PSMA1: variants seen among roughly 807,000 people sequenced by gnomAD.
PSMA1 encodes the protein proteasome 20S subunit alpha 1.
In PSMA1, 3 loss-of-function variants were observed where a neutral mutation model predicts 38.4. The ratio of observed to expected loss-of-function variants is 0.08; its 90% confidence interval spans 0.04 to 0.20. PSMA1 has a LOEUF of 0.20. PSMA1 is among the 10% of genes least tolerant of loss of function. The pLI, the probability that PSMA1 is intolerant of heterozygous loss-of-function variation, is 1.00. For synonymous variants in PSMA1, 101 were observed against 107.1 expected, an observed-to-expected ratio of 0.94 and a Z score of 0.35; for missense variants, 227 against 325.3, an observed-to-expected ratio of 0.70 and a Z score of 2.32.
In PSMA1 at chr11:14,556,461, T is replaced by G. The variant is rs1480282428; in HGVS notation, c.22-37420A>C. The stretch of plus-strand genomic sequence containing the variant: ...GTTTTGGAATCTTCTTTTTTTAATG[T>G]TTCATGATGATACACCTTAGAATAG... On this transcript the variant is annotated intron_variant, in intron 2 of 10. Coordinates refer to the PSMA1 transcript ENST00000418988. Among the ~76,000 whole-genome samples the G allele has an allele frequency of 4.6e-5, 7 of 152,280 alleles. No individual in the cohort carries two copies. In the East Asian group the frequency reaches 1.3e-3, roughly 29 times the overall value.
At chr11:14,603,673 G>C (rs1852610755) in intron 2 of PSMA1, among the ~76,000 whole-genome samples, 1 of 152,166 alleles carries the variant, frequency 6.6e-6, no homozygotes, top group Non-Finnish European at 1.5e-5. Context: ...GAAATTATTA[G>C]GCTTACTAAA....
chr11:14,590,897 C>T (rs1852406090), intron 2 of PSMA1, among the ~76,000 whole-genome samples: 1 of 152,254 alleles, frequency 6.6e-6, no homozygotes, highest in Non-Finnish European at 1.5e-5. Flanking sequence ...TGAGAGGTGA[C>T]AGTGTGCTGG....
intron 1 of PSMA1, among the ~76,000 whole-genome samples, chr11:14,617,457 C>T (rs1284612710): frequency 6.6e-6 from 1 of 152,052 alleles, no homozygotes; most frequent in Non-Finnish European, 1.5e-5. Flanking sequence ...CTCTGTTTCT[C>T]CAGTGACTGG....
chr11:14,641,503 T>C (rs1853200739), intron 1 of PSMA1, among the ~76,000 whole-genome samples: 1 of 152,208 alleles, frequency 6.6e-6, no homozygotes, highest in Non-Finnish European at 1.5e-5. Flanking sequence ...TCTGATGGTC[T>C]TTGGTCACGT....
intron 1 of PSMA1, among the ~76,000 whole-genome samples, chr11:14,618,670 T>C (rs1852805308): frequency 6.6e-6 from 1 of 152,230 alleles, no homozygotes; most frequent in Non-Finnish European, 1.5e-5. Flanking sequence ...TATAGACAAA[T>C]GACAACTTGT....
At chr11:14,624,201 G>C (rs1466060131) in intron 1 of PSMA1, among the ~76,000 whole-genome samples, 1 of 152,202 alleles carries the variant, frequency 6.6e-6, no homozygotes, top group East Asian at 1.9e-4. Flanking sequence ...CGTCAGCTCA[G>C]AAGCAACACT....
chr11:14,631,407 C>A (rs2133719557), intron 1 of PSMA1, among the ~76,000 whole-genome samples: 1 of 151,988 alleles, frequency 6.6e-6, no homozygotes, highest in South Asian at 2.1e-4. Flanking sequence ...TTATTTCTGC[C>A]TTCATTTTGT....
chr11:14,599,766 C>T lies in PSMA1; in HGVS notation c.21+11200G>A, dbSNP rs778835188. On this transcript the variant is annotated intron_variant, in intron 2 of 10. Transcript: ENST00000418988. ...TCCACTCATCAAAGTCATTCTCTGC[C>T]CAGCTTTGTTCCGTTGCTGGCTAGG... 5.5e-4 allele frequency among the ~76,000 whole-genome samples: 84 copies of T among 152,298 alleles called. 1 individual carries two copies. Among genetic ancestry groups the T allele is most frequent in the Non-Finnish European group, 1.1e-3 (72 of 68,024 alleles).
At chr11:14,521,505 GC>G (rs1851529735), upstream of PSMA1, among the ~76,000 whole-genome samples, 1 of 130,298 alleles carries the variant, frequency 7.7e-6, no homozygotes, top group Admixed American at 7.9e-5. Flanking sequence ...AAAAAAAAAA[GC>G]CGGGCGCGGT....
At chr11:14,570,721 C>T (rs1852128903) in intron 2 of PSMA1, among the ~76,000 whole-genome samples, 1 of 152,220 alleles carries the variant, frequency 6.6e-6, no homozygotes, top group East Asian at 1.9e-4. Flanking sequence ...ACCAAATCTA[C>T]ATCTGATTGG....
intron 2 of PSMA1, among the ~76,000 whole-genome samples, chr11:14,609,825 A>G (rs989824940): frequency 6.6e-6 from 1 of 152,220 alleles, no homozygotes; most frequent in Non-Finnish European, 1.5e-5. Flanking sequence ...AGTGCAGGGT[A>G]CAGAACAAGG....
chr11:14,511,078 C>T (rs908344874), intron 7 of PSMA1, 127 bp from the exon 8 acceptor site: 5 of 511,208 alleles, frequency 9.8e-6, no homozygotes, highest in African/African-American at 7.9e-5. Flanking sequence ...GTAAAAACAG[C>T]CAAGTTTAAT....
intron 2 of PSMA1, among the ~76,000 whole-genome samples, chr11:14,591,354 G>A (rs931957966): frequency 2.3e-4 from 35 of 152,316 alleles, no homozygotes; most frequent in Admixed American, 1.6e-3. Flanking sequence ...CACCCACTCT[G>A]TGGGTTCCTG....
At chr11:14,619,430 T>G (rs1281659480) in intron 1 of PSMA1, among the ~76,000 whole-genome samples, 1 of 151,318 alleles carries the variant, frequency 6.6e-6, no homozygotes, top group African/African-American at 2.4e-5. Context: ...CAGAGAGAGA[T>G]CCTGTCTCAA....
Position 14,511,758 on chromosome 11 carries a change from G to A in PSMA1, c.545-807C>T, listed in dbSNP as rs376190454. 3.9e-5 allele frequency among the ~76,000 whole-genome samples: 6 copies of A among 152,256 alleles called. No homozygotes were observed. In the East Asian group the frequency reaches 7.7e-4, roughly 20 times the overall value. On this transcript the variant is annotated intron_variant, in intron 7 of 9. Coordinates refer to ENST00000396394, the MANE Select transcript of PSMA1 (RefSeq NM_002786.4). ...TAAGTTTAGGAACAAAAAAAAGAAGGTTTGTTCATGCAACTTATATTCATC... is the reference window on the plus strand; with the variant it reads ...TAAGTTTAGGAACAAAAAAAAGAAGATTTGTTCATGCAACTTATATTCATC...
At chr11:14,585,934 C>G (rs556574465) in intron 2 of PSMA1, among the ~76,000 whole-genome samples, 20 of 152,238 alleles carry the variant, frequency 1.3e-4, no homozygotes, top group African/African-American at 4.8e-4. Context: ...ATCTTTCAGG[C>G]ATGGGATTTC....
Position 14,534,474 on chromosome 11 carries a change from T to C in PSMA1, c.22-15433A>G, listed in dbSNP as rs1053608047. 3.3e-5 allele frequency among the ~76,000 whole-genome samples: 5 copies of C among 152,146 alleles called. No homozygotes were observed. Among genetic ancestry groups the C allele is most frequent in the African/African-American group, 1.2e-4 (5 of 41,434 alleles). The stretch of plus-strand genomic sequence containing the variant: ...TGCACCCACTCCCACCTTTTTAAAA[T>C]TTTAATTTTAATTTATTTGTTTATT... On this transcript the variant is annotated intron_variant, in intron 2 of 10. Transcript: ENST00000418988. The surrounding 1 kb of genome is among the most constrained non-coding windows in gnomAD (Gnocchi z 4.5).
intron 1 of PSMA1, among the ~76,000 whole-genome samples, chr11:14,630,279 C>G (rs1427711604): frequency 6.6e-6 from 1 of 152,156 alleles, no homozygotes; most frequent in Non-Finnish European, 1.5e-5. Flanking sequence ...TTTGCCCATT[C>G]AGTATGATAT....
intron 2 of PSMA1, among the ~76,000 whole-genome samples, chr11:14,607,822 A>G (rs796243699): frequency 5.3e-5 from 8 of 152,270 alleles, no homozygotes; most frequent in African/African-American, 1.9e-4. Context: ...GAAGAGTTCT[A>G]TTTCACTGGA....
Sources: allele counts gnomAD v4.1 joint callset (sites outside exome capture counted in the v4.1 genomes callset), GRCh38; gene constraint gnomAD v4.1.1; non-coding constraint Gnocchi (gnomAD v3.1); transcripts MANE v1.5; gene names NCBI Gene and HGNC (gene_info 2026-07-23, HGNC 2026-07-21).